ZDHHC6: variants seen among roughly 807,000 people sequenced by gnomAD.
ZDHHC6 encodes the protein palmitoyltransferase ZDHHC6.
Under a neutral mutation model 57.8 loss-of-function variants are expected in ZDHHC6, and 32 were observed. The ratio of observed to expected loss-of-function variants is 0.55; its 90% CI spans 0.42 to 0.74. The LOEUF (loss-of-function observed/expected upper bound fraction) is 0.74, where lower values mean the gene tolerates loss of function less well. Ranked by LOEUF, ZDHHC6 falls within the 30% of genes least tolerant of loss-of-function variation. The probability of loss-of-function intolerance (pLI) is 0.00; values close to 1 mark genes in which losing one functional copy is unlikely to be tolerated. For missense variants in ZDHHC6, 433 were observed against 500.7 expected, an observed-to-expected ratio of 0.86 and a Z score of 1.29; for synonymous variants, 128 against 158.0, an observed-to-expected ratio of 0.81 and a Z score of 1.42.
At chr10:112,427,546 G>T, downstream of ZDHHC6, 1 of 464,654 alleles carries the variant, frequency 2.2e-6, no homozygotes, top group Non-Finnish European at 3.6e-6. Flanking sequence ...AATCAATCCT[G>T]TCTTTCCCAT....
intron 5 of ZDHHC6, among the ~76,000 whole-genome samples, chr10:112,439,631 A>T (rs1845901677): frequency 6.7e-5 from 2 of 29,710 alleles, no homozygotes; most frequent in Admixed American, 3.8e-4. Flanking sequence ...CTCCGTCTAA[A>T]AAAAAAAAAA....
chr10:112,436,214 C>G (rs1845514531), intron 6 of ZDHHC6, among the ~76,000 whole-genome samples: 1 of 152,222 alleles, frequency 6.6e-6, no homozygotes, highest in Admixed American at 6.5e-5. Flanking sequence ...GTGGCTCACG[C>G]CTGTAATCCC....
At chr10:112,425,436 G>A (rs1162508912), downstream of ZDHHC6, 8 of 1,613,124 alleles carry the variant, frequency 5.0e-6, no homozygotes, top group Non-Finnish European at 6.8e-6. Flanking sequence ...TCTACAACAG[G>A]AGTCAACCAG....
In ZDHHC6 at chr10:112,446,297, G is replaced by A. The variant is rs12573644; in HGVS notation, c.-215+408C>T. On this transcript the variant is annotated intron_variant, in intron 1 of 10. Coordinates refer to ENST00000369405, the MANE Select transcript of ZDHHC6 (RefSeq NM_022494.3). The stretch of plus-strand genomic sequence containing the variant: ...GGGAGGAGATAGAGCGAGAGTGTGT[G>A]TGGTGTGTGTGAAATTATGACCAGA... Among the ~76,000 whole-genome samples the A allele has an allele frequency of 7.7e-3, 1,171 of 152,272 alleles. 111 individuals are homozygous for A. In the East Asian group the frequency reaches 0.2, roughly 26 times the overall value.
downstream of ZDHHC6, chr10:112,427,887 T>C (rs917361161): frequency 1.3e-5 from 2 of 152,754 alleles, no homozygotes; most frequent in Admixed American, 6.5e-5. Context: ...GTCAATCATA[T>C]CTATGAGACA....
chr10:112,436,009 A>G (rs76883937), intron 6 of ZDHHC6, among the ~76,000 whole-genome samples: 1,623 of 152,312 alleles, frequency 0.011, 33 homozygotes, highest in African/African-American at 0.037. Context: ...ACAATACCTT[A>G]ACTAAGTCTT....
At chr10:112,424,840 A>T (rs1008270347) in exon 12 of ZDHHC6, 1 of 152,342 alleles carries the variant, frequency 6.6e-6, no homozygotes, top group African/African-American at 2.4e-5. Context: ...TGTCCTAACA[A>T]GCCCAGTAAT....
rs1589748975 is a variant in ZDHHC6, at chr10:112,441,397, C to A, written c.520-702G>T. Among the ~76,000 whole-genome samples, 3 of 152,156 alleles carry A rather than the reference C, an allele frequency of 2.0e-5. No homozygotes were observed. The South Asian group carries it at 6.2e-4, about 32-fold the overall frequency. On this transcript the variant is annotated intron_variant, in intron 4 of 10. Transcript: ENST00000369405. The stretch of plus-strand genomic sequence containing the variant: ...CTGCCTAGGATTCAGTTGTTTCTTC[C>A]CTCATGTTTTACAAATGGTGATGAA...
chr10:112,430,713 C>T lies in ZDHHC6; in HGVS notation c.*91G>A, dbSNP rs889282886. ...ACCTTTGAGGAAAAGAACATCTTAA[C>T]CAGAGTAGGCTCATTGCATAATTCT... is the stretch of plus-strand genomic sequence containing the variant. On this transcript the variant is annotated 3_prime_UTR_variant, in exon 11 of 11. Transcript: ENST00000369405. The T allele has an allele frequency of 1.8e-6, 2 of 1,097,338 alleles. No homozygotes were observed. The highest frequency in any genetic ancestry group is 2.6e-6 in the Non-Finnish European group (2 of 773,790). 68.0% of individuals were successfully genotyped at this position (1,097,338 alleles called of 1,614,324 possible).
chr10:112,440,826 TTTTTA>T (rs1480456729), intron 4 of ZDHHC6, 131 bp from the exon 5 acceptor site: 2 of 614,470 alleles, frequency 3.3e-6, no homozygotes, highest in African/African-American at 1.9e-5. Flanking sequence ...AACACAGCTA[TTTTTA>T]TTTTATTTTA....
chr10:112,445,533 TA>T lies in ZDHHC6; in HGVS notation c.-98del. 7.3e-7 allele frequency: 1 copy of T among 1,378,972 alleles called. No individual in the cohort carries two copies. Among genetic ancestry groups the T allele is most frequent in the Non-Finnish European group, 9.8e-7 (1 of 1,017,118 alleles). 85.4% of individuals were successfully genotyped at this position (1,378,972 alleles called of 1,614,324 possible). A position where few individuals can be genotyped will look rare whatever the true frequency, so the allele number is the denominator to read the frequency against. ...GTGCCACAAGTCCATGTGTGTTCTTTAATTGTCATGCCTTCAAGCTGTGAAC... is the reference window on the plus strand; with the variant it reads ...GTGCCACAAGTCCATGTGTGTTCTTTATTGTCATGCCTTCAAGCTGTGAAC... On this transcript the variant is annotated 5_prime_UTR_variant, in exon 2 of 11. An upstream open reading frame in the 5' UTR gains an earlier in-frame stop. Coordinates refer to ENST00000369405, the MANE Select transcript of ZDHHC6 (RefSeq NM_022494.3).
intron 4 of ZDHHC6, among the ~76,000 whole-genome samples, chr10:112,441,169 T>C (rs1470956517): frequency 1.3e-5 from 2 of 152,278 alleles, no homozygotes; most frequent in East Asian, 1.9e-4. Flanking sequence ...AATATAGTAA[T>C]GAGCTCGGAC....
chr10:112,447,156 G>T, upstream of ZDHHC6: 1 of 530,314 alleles, frequency 1.9e-6, no homozygotes. Context: ...TTATCTTAAA[G>T]TCGGAGCGGA....
chr10:112,426,984 A>G (rs1177438971), downstream of ZDHHC6: 2 of 971,760 alleles, frequency 2.1e-6, no homozygotes, highest in Non-Finnish European at 3.1e-6. Context: ...CATTAACTAC[A>G]AAATGACCTT....
chr10:112,442,381 G>T, intron 3 of ZDHHC6, 30 bp from the exon 4 acceptor site: 1 of 1,590,024 alleles, frequency 6.3e-7, no homozygotes, highest in South Asian at 1.2e-5. Context: ...TAAAACATGA[G>T]GCAGAAAATC....
intron 9 of ZDHHC6, 22 bp downstream of exon 9, chr10:112,432,354 T>C: frequency 6.2e-7 from 1 of 1,610,646 alleles, no homozygotes; most frequent in Non-Finnish European, 8.5e-7. Flanking sequence ...GAAGAAGAAA[T>C]GCAGTACTTC....
At chr10:112,444,708 A>T (rs1301527459) in intron 2 of ZDHHC6, among the ~76,000 whole-genome samples, 5 of 152,216 alleles carry the variant, frequency 3.3e-5, no homozygotes, top group Non-Finnish European at 1.5e-5. Flanking sequence ...TTAAGCTATA[A>T]ATGGATTTGG....
chr10:112,432,125 T>A, intron 10 of ZDHHC6, 115 bp downstream of exon 10: 3 of 974,060 alleles, frequency 3.1e-6, no homozygotes, highest in Non-Finnish European at 1.5e-6. Context: ...GATATACCCT[T>A]CTATGCAGTT....
Position 112,434,476 on chromosome 10 carries a change from A to G in ZDHHC6, c.736-12T>C, listed in dbSNP as rs934651349. 13 of 1,607,310 alleles carry G rather than the reference A, an allele frequency of 8.1e-6. No homozygotes were observed. Among genetic ancestry groups the G allele is most frequent in the South Asian group, 1.1e-5 (1 of 89,910 alleles). On this transcript the variant is annotated splice_polypyrimidine_tract_variant and intron_variant, in intron 6 of 10. Coordinates refer to ENST00000369405, the MANE Select transcript of ZDHHC6 (RefSeq NM_022494.3). Reference sequence around the variant, plus strand: ...ATTCGATCTTTAGCCTGTGGGTAACAAAGATATAAGATGGCAGGTGCCTCT... The same window carrying G: ...ATTCGATCTTTAGCCTGTGGGTAACGAAGATATAAGATGGCAGGTGCCTCT...
Sources: gnomAD v4.1 joint callset for allele counts (sites outside exome capture counted in the v4.1 genomes callset) on GRCh38, gnomAD v4.1.1 for gene constraint, MANE v1.5 for transcripts, NCBI Gene and HGNC (gene_info 2026-07-23, HGNC 2026-07-21) for gene names.